ADGB: variants seen among roughly 807,000 people sequenced by gnomAD.
The protein encoded by ADGB is calpain-7-like protein.
ADGB carries 172 observed loss-of-function variants against 210.5 expected under a neutral mutation model. The ratio of observed to expected loss-of-function variants is 0.82; its 90% CI spans 0.72 to 0.93. The LOEUF (loss-of-function observed/expected upper bound fraction) is 0.93. ADGB is among the 40% of genes least tolerant of loss of function. The pLI, the probability that ADGB is intolerant of heterozygous loss-of-function variation, is 0.00. For missense variants in ADGB, 2,025 were observed against 1,964.8 expected, an observed-to-expected ratio of 1.03 and a Z score of -0.58; for synonymous variants, 658 against 662.7, an observed-to-expected ratio of 0.99 and a Z score of 0.11.
intron 3 of ADGB, among the ~76,000 whole-genome samples, chr6:146,653,907 A>G (rs1291071062): frequency 6.6e-6 from 1 of 152,120 alleles, no homozygotes; most frequent in Non-Finnish European, 1.5e-5. Flanking sequence ...AACTGAAATC[A>G]GGGTGGCCTA....
In ADGB at chr6:146,815,324, CTCTT is replaced by C. The variant is rs1778375367; in HGVS notation, c.*112_*115del. The C allele has an allele frequency of 4.6e-6, 4 of 876,474 alleles. No individual in the cohort carries two copies. Among genetic ancestry groups the C allele is most frequent in the Non-Finnish European group, 4.8e-6 (3 of 631,302 alleles). The allele number at this position is 876,474 out of a possible 1,614,324, so 54.3% of individuals were successfully genotyped here. A position where few individuals can be genotyped will look rare whatever the true frequency, so the allele number is the denominator to read the frequency against. ...TTAGGCCAAATGAAAATAGAAATTT[CTCTT>C]TCTTAGAAATATTTTAATGCTAACT... On this transcript the variant is annotated 3_prime_UTR_variant, in exon 36 of 36. Coordinates refer to ENST00000397944, the MANE Select transcript of ADGB (RefSeq NM_024694.4).
At chr6:146,672,107 A>G (rs1251869099) in intron 7 of ADGB, 113 bp from the exon 8 acceptor site, 14 of 1,322,422 alleles carry the variant, frequency 1.1e-5, no homozygotes, top group African/African-American at 3.0e-5. Flanking sequence ...TTGAGTAACA[A>G]TTGAAATTAT....
At position 146,734,006 on chromosome 6, in the gene ADGB, T is replaced by C. The variant is rs1016180565; in HGVS notation, c.2770T>C (p.Leu924=). The C allele has an allele frequency of 1.3e-6, 2 of 1,551,424 alleles. No individual in the cohort carries two copies. The highest frequency in any genetic ancestry group is 1.7e-6 in the Non-Finnish European group (2 of 1,146,926). Residue 924 remains leucine, a synonymous_variant, in exon 22 of 36, where the codon TTG becomes CTG. Coordinates refer to ENST00000397944, the MANE Select transcript of ADGB (RefSeq NM_024694.4). ...QAMWRGTYVR[L]LMKARIPDTK... is the part of the protein sequence containing the mutation. The stretch of plus-strand genomic sequence containing the variant: ...CATGTGGAGAGGAACTTACGTTAGA[T>C]TGCTTATGAAAGCCAGAATACCAGG...
intron 2 of ADGB, among the ~76,000 whole-genome samples, chr6:146,641,095 A>G (rs925559761): frequency 7.9e-5 from 12 of 151,940 alleles, no homozygotes; most frequent in Non-Finnish European, 1.6e-4. Flanking sequence ...TATAAAAACC[A>G]CTAGTATTCC....
At chr6:146,684,766 G>A (rs1050122933) in intron 9 of ADGB, among the ~76,000 whole-genome samples, 2 of 152,026 alleles carry the variant, frequency 1.3e-5, no homozygotes, top group Non-Finnish European at 2.9e-5. Context: ...TGGGGAGACA[G>A]CGTCTGTGGA....
In ADGB at chr6:146,788,408, C is replaced by T. The variant is rs373348227; in HGVS notation, c.4335C>T (p.Gly1445=). ...TTGTAGTAGAAACAGCTGCACGTGGCGTAAAAGAACCAAACTCAAAGAATT... is the reference window on the plus strand; with the variant it reads ...TTGTAGTAGAAACAGCTGCACGTGGTGTAAAAGAACCAAACTCAAAGAATT... The part of the protein sequence containing the change: ...PKEEVETAAR[G]VKEPNSKNSA... The change falls in exon 33 of 36, where the codon GGC becomes GGT. Residue 1445 remains glycine, a synonymous_variant. Transcript: ENST00000397944. 245 of 1,551,416 alleles carry T rather than the reference C, an allele frequency of 1.6e-4. No individual in the cohort carries two copies. The highest frequency in any genetic ancestry group is 2.0e-4 in the Admixed American group (10 of 50,968).
chr6:146,691,949 C>A (rs1368941893), intron 11 of ADGB, among the ~76,000 whole-genome samples: 1 of 151,668 alleles, frequency 6.6e-6, no homozygotes, highest in Non-Finnish European at 1.5e-5. Flanking sequence ...CCCTCCCTTC[C>A]TTCTATCTTC....
intron 3 of ADGB, among the ~76,000 whole-genome samples, chr6:146,646,146 G>A (rs1775607634): frequency 6.6e-6 from 1 of 152,046 alleles, no homozygotes; most frequent in Admixed American, 6.6e-5. Flanking sequence ...AAGGAGGTGG[G>A]TCTGCCCAGT....
At chr6:146,783,872 G>A (rs2114645977) in intron 30 of ADGB, among the ~76,000 whole-genome samples, 2 of 152,250 alleles carry the variant, frequency 1.3e-5, no homozygotes, top group South Asian at 4.1e-4. Context: ...GATCCCATGA[G>A]ACATTAAAAT....
chr6:146,666,568 A>G (rs908453234), intron 6 of ADGB, among the ~76,000 whole-genome samples: 1 of 151,966 alleles, frequency 6.6e-6, no homozygotes, highest in African/African-American at 2.4e-5. Flanking sequence ...TATAGCATTA[A>G]TATTACTTTT....
chr6:146,798,556 A>G lies in ADGB; in HGVS notation c.4538-2627A>G, dbSNP rs1360321280. On this transcript the variant is annotated intron_variant, in intron 33 of 35. Coordinates refer to ENST00000397944, the MANE Select transcript of ADGB (RefSeq NM_024694.4). Reference sequence around the variant, plus strand: ...TGTAACCACTTACATTCCACATTTTAATGGAGGTTCTTGCTAGTTCAATCA... The same window carrying G: ...TGTAACCACTTACATTCCACATTTTGATGGAGGTTCTTGCTAGTTCAATCA... Among the ~76,000 whole-genome samples, 9 of 152,168 alleles carry G rather than the reference A, an allele frequency of 5.9e-5. 1 individual carries two copies. The highest frequency in any genetic ancestry group is 4.6e-4 in the Admixed American group (7 of 15,282).
intron 5 of ADGB, among the ~76,000 whole-genome samples, chr6:146,659,198 A>G (rs1389009420): frequency 6.6e-6 from 1 of 151,964 alleles, no homozygotes; most frequent in African/African-American, 2.4e-5. Context: ...TTCTCTTCCA[A>G]TTCTAGTTGA....
In ADGB at chr6:146,757,752, T is replaced by G. The variant is rs562037644; in HGVS notation, c.3550+5038T>G. Among the ~76,000 whole-genome samples, 3 of 151,944 alleles carry G rather than the reference T, an allele frequency of 2.0e-5. No individual in the cohort carries two copies. In the South Asian group the frequency reaches 6.2e-4, roughly 31 times the overall value. ...TTAAATTTTAATGTTTTAAATAATT[T>G]TAAATAAATAAGAATCCTTAGAGTG... On this transcript the variant is annotated intron_variant, in intron 27 of 35. Transcript: ENST00000397944.
At chr6:146,714,661 C>G (rs1396230186) in intron 13 of ADGB, among the ~76,000 whole-genome samples, 1 of 152,128 alleles carries the variant, frequency 6.6e-6, no homozygotes, top group Non-Finnish European at 1.5e-5. Context: ...CAACCCATGT[C>G]GGTGTTTTAA....
intron 9 of ADGB, among the ~76,000 whole-genome samples, chr6:146,681,891 C>T (rs1776163421): frequency 6.6e-6 from 1 of 152,064 alleles, no homozygotes; most frequent in East Asian, 1.9e-4. Context: ...GACTACTTTA[C>T]ACTTCACACT....
chr6:146,677,967 G>A (rs995046140), intron 9 of ADGB, among the ~76,000 whole-genome samples: 23 of 152,152 alleles, frequency 1.5e-4, no homozygotes, highest in African/African-American at 5.3e-4. Context: ...ATTCTTACAT[G>A]TGCTAAAGAT....
At chr6:146,770,989 CTG>C (rs1016320824) in intron 29 of ADGB, among the ~76,000 whole-genome samples, 3 of 152,132 alleles carry the variant, frequency 2.0e-5, no homozygotes, top group African/African-American at 7.2e-5. Flanking sequence ...GCCCAGCACA[CTG>C]AGAATGTCTG....
intron 28 of ADGB, 92 bp downstream of exon 28, chr6:146,764,192 G>T: frequency 8.9e-7 from 1 of 1,119,632 alleles, no homozygotes; most frequent in South Asian, 1.9e-5. Context: ...AATATACAGT[G>T]TGCAGTGCTG....
At position 146,740,387 on chromosome 6, in the gene ADGB, TC is replaced by T. The variant is rs540010061; in HGVS notation, c.2889-71del. ...ATATCTTATACTATTTTTTGTCATT[TC>T]TTTTTGTAAATAGAGTTTATCTTTA... On this transcript the variant is annotated intron_variant, in intron 23 of 35. Transcript: ENST00000397944. 5.8e-3 allele frequency: 7,710 copies of T among 1,326,340 alleles called. 55 individuals carry two copies. Among genetic ancestry groups the T allele is most frequent in the Non-Finnish European group, 5.9e-3 (5,836 of 986,342 alleles). The allele number at this position is 1,326,340 out of a possible 1,614,324, so 82.2% of individuals were successfully genotyped here.
Sources: gnomAD v4.1 joint callset for allele counts (sites outside exome capture counted in the v4.1 genomes callset) on GRCh38, gnomAD v4.1.1 for gene constraint, MANE v1.5 for transcripts, NCBI Gene and HGNC (gene_info 2026-07-23, HGNC 2026-07-21) for gene names.